The following FCHSD2 variants were observed in gnomAD, a reference collection of about 807,000 sequenced individuals.
The protein encoded by FCHSD2 is FCH and double SH3 domains 2, also known as F-BAR and double SH3 domains protein 2.
In FCHSD2, 38 loss-of-function variants were observed where a neutral mutation model predicts 108.1. That is an observed-to-expected ratio of 0.35 (90% CI 0.27 to 0.46). The LOEUF (loss-of-function observed/expected upper bound fraction) is 0.46, where lower values mean the gene tolerates loss of function less well. FCHSD2 is among the 20% of genes least tolerant of loss of function. FCHSD2 has a pLI of 1.00. For missense variants in FCHSD2, 751 were observed against 897.8 expected (o/e 0.84, Z 2.09); for synonymous variants, 279 against 314.7 (o/e 0.89, Z 1.20).
chr11:73,131,354 A>G (rs1860995352), intron 2 of FCHSD2, among the ~76,000 whole-genome samples: 1 of 143,376 alleles, frequency 7.0e-6, no homozygotes, highest in Non-Finnish European at 1.6e-5. Flanking sequence ...CCTCTCTACT[A>G]AAAGTACAAA....
intron 8 of FCHSD2, among the ~76,000 whole-genome samples, chr11:72,979,008 C>T (rs1398638024): frequency 6.6e-6 from 1 of 152,006 alleles, no homozygotes; most frequent in Non-Finnish European, 1.5e-5. Flanking sequence ...CAAGTGCATG[C>T]CTCCACACAC....
chr11:72,965,079 G>A (rs970930462), intron 8 of FCHSD2, among the ~76,000 whole-genome samples: 7 of 152,020 alleles, frequency 4.6e-5, no homozygotes, highest in South Asian at 2.1e-4. Context: ...ATGAGCCACC[G>A]CGCCTGGCCA....
In FCHSD2 at chr11:73,113,353, C is replaced by CTTTTTTT. The variant is rs35979371; in HGVS notation, c.119+26671_119+26677dup. Among the ~76,000 whole-genome samples, 30 of 29,920 alleles carry CTTTTTTT rather than the reference C, an allele frequency of 1.0e-3. 5 individuals carry two copies. Among genetic ancestry groups the CTTTTTTT allele is most frequent in the African/African-American group, 2.8e-3 (23 of 8,288 alleles). 19.6% of individuals were successfully genotyped at this position (29,920 alleles called of 152,430 possible). A position where few individuals can be genotyped will look rare whatever the true frequency, so the allele number is the denominator to read the frequency against. ...TGATCATCATGCTTCCCAAGATGGT[C>CTTTTTTT]TTTTTTTTTTTTTTTTTTTTTTTTT... is the stretch of plus-strand genomic sequence containing the variant. On this transcript the variant is annotated intron_variant, in intron 2 of 19. Coordinates refer to ENST00000409418, the MANE Select transcript of FCHSD2 (RefSeq NM_014824.3).
At chr11:72,888,553 C>G (rs1855245958) in intron 11 of FCHSD2, among the ~76,000 whole-genome samples, 1 of 151,898 alleles carries the variant, frequency 6.6e-6, no homozygotes, top group Admixed American at 6.6e-5. Flanking sequence ...AAAAAAAGTA[C>G]TATACTCCAA....
At chr11:73,083,570 A>T in intron 3 of FCHSD2, 125 bp downstream of exon 3, 1 of 631,454 alleles carries the variant, frequency 1.6e-6, no homozygotes, top group Non-Finnish European at 2.8e-6. Flanking sequence ...AAAAAAAAAA[A>T]CAAGAAAGAA....
intron 8 of FCHSD2, among the ~76,000 whole-genome samples, chr11:72,967,973 C>A (rs1856943401): frequency 1.3e-5 from 2 of 151,762 alleles, no homozygotes; most frequent in African/African-American, 4.8e-5. Flanking sequence ...CACCTGTAGT[C>A]CCAGCTACTC....
chr11:73,046,917 T>A (rs1858782432), intron 3 of FCHSD2, among the ~76,000 whole-genome samples: 2 of 152,164 alleles, frequency 1.3e-5, no homozygotes, highest in Admixed American at 1.3e-4. Context: ...ATCAATAGGA[T>A]GTAGATCAAA....
intron 14 of FCHSD2, 84 bp from the exon 15 acceptor site, chr11:72,843,616 C>CATGACAAAAAA (rs1861034808): frequency 2.4e-6 from 2 of 836,080 alleles, no homozygotes; most frequent in Non-Finnish European, 4.0e-6. Context: ...AACTGGGGAT[C>CATGACAAAAAA]AAAATATTGA....
chr11:72,843,919 GA>G (rs1861045215), intron 14 of FCHSD2, among the ~76,000 whole-genome samples: 1 of 151,752 alleles, frequency 6.6e-6, no homozygotes, highest in Admixed American at 6.6e-5. Context: ...GAGGTGGGAG[GA>G]TCGCTTGAGC....
At chr11:73,141,768 C>A (rs894478723) in intron 1 of FCHSD2, 89 bp downstream of exon 1, 6 of 1,395,228 alleles carry the variant, frequency 4.3e-6, no homozygotes, top group Non-Finnish European at 4.8e-6. Flanking sequence ...CGGCCCCTTG[C>A]GGGAGGGGGA....
chr11:73,125,430 T>A (rs1314535868), intron 2 of FCHSD2, among the ~76,000 whole-genome samples: 1 of 72,646 alleles, frequency 1.4e-5, no homozygotes, highest in Non-Finnish European at 3.0e-5. Context: ...GTAGATCGAG[T>A]GTGGTGGCTC....
At chr11:72,986,787 T>C (rs930968841) in intron 6 of FCHSD2, among the ~76,000 whole-genome samples, 15 of 152,296 alleles carry the variant, frequency 9.8e-5, no homozygotes, top group Admixed American at 4.6e-4. Context: ...AATAAAATAG[T>C]ACCTGTTCTC....
chr11:72,981,139 G>A (rs1242863682), intron 8 of FCHSD2, among the ~76,000 whole-genome samples: 1 of 152,148 alleles, frequency 6.6e-6, no homozygotes, highest in Non-Finnish European at 1.5e-5. Flanking sequence ...AAGAAAATGA[G>A]TTAATGTACA....
chr11:72,982,663 GA>G (rs1857235501), intron 8 of FCHSD2, among the ~76,000 whole-genome samples: 1 of 152,168 alleles, frequency 6.6e-6, no homozygotes, highest in East Asian at 1.9e-4. Flanking sequence ...GGAAATGCTA[GA>G]TCAAGTTTGG....
chr11:72,870,697 G>A (rs1358873882), intron 12 of FCHSD2, among the ~76,000 whole-genome samples: 5 of 151,810 alleles, frequency 3.3e-5, no homozygotes, highest in South Asian at 4.2e-4. Context: ...TCAGGAGATC[G>A]ATACCATCCT....
At position 72,991,778 on chromosome 11, in the gene FCHSD2, T is replaced by C. The variant is rs908526851; in HGVS notation, c.388-2681A>G. Among the ~76,000 whole-genome samples, 5 of 152,112 alleles carry C rather than the reference T, an allele frequency of 3.3e-5. No homozygotes were observed. In the East Asian group the frequency reaches 5.8e-4, roughly 18 times the overall value. The stretch of plus-strand genomic sequence containing the variant: ...ACGTATCTCAAAATAATAAGAACTA[T>C]CTATGACAAACTCACAGCCAATATC... On this transcript the variant is annotated intron_variant, in intron 5 of 19. Coordinates refer to ENST00000409418, the MANE Select transcript of FCHSD2 (RefSeq NM_014824.3).
At chr11:73,051,916 C>CA (rs1341791569) in intron 3 of FCHSD2, among the ~76,000 whole-genome samples, 2 of 133,390 alleles carry the variant, frequency 1.5e-5, no homozygotes, top group East Asian at 2.2e-4. Flanking sequence ...CACACACACA[C>CA]CCCACACACA....
rs988732438 is a variant in FCHSD2 at position 73,049,313 on chromosome 11, A to T, written c.166-33428T>A. Among the ~76,000 whole-genome samples, 3 of 152,116 alleles carry T rather than the reference A, an allele frequency of 2.0e-5. No individual in the cohort carries two copies. In the South Asian group the frequency reaches 6.2e-4, roughly 31 times the overall value. On this transcript the variant is annotated intron_variant, in intron 3 of 19. Coordinates refer to ENST00000409418, the MANE Select transcript of FCHSD2 (RefSeq NM_014824.3). ...ACATGACAGAAACTGTCTCATACCC[A>T]CAACAATATTAAATTTGGTTCTGAT... is the stretch of plus-strand genomic sequence containing the variant.
rs369315223 is a variant in FCHSD2 at position 72,841,497 on chromosome 11, A to C, written c.2013T>G (p.Asp671Glu). 1.9e-6 allele frequency: 3 copies of C among 1,611,168 alleles called. No individual in the cohort carries two copies. The highest frequency in any genetic ancestry group is 3.3e-4 in the Middle Eastern group (2 of 6,060). ...GGGGAAAGTACAGGGAGCTCCTCTT[A>C]TCTGGGCTGGGGTAGGGGCTGCTGG... Reference protein sequence around the residue: ...QPPSSPYPSPDKRSSLYFPRS... With the variant: ...QPPSSPYPSPEKRSSLYFPRS... Residue 671 changes from aspartate (D) to glutamate (E), a missense_variant, in exon 18 of 20, where the codon GAT becomes GAG. Physicochemically the swap from Asp to Glu is conservative, Grantham distance 45. Coordinates refer to ENST00000409418, the MANE Select transcript of FCHSD2 (RefSeq NM_014824.3).
Sources: gnomAD v4.1 joint callset for allele counts (sites outside exome capture counted in the v4.1 genomes callset) on GRCh38, gnomAD v4.1.1 for gene constraint, MANE v1.5 for transcripts, NCBI Gene and HGNC (gene_info 2026-07-23, HGNC 2026-07-21) for gene names.